NUMB: variants seen among roughly 807,000 people sequenced by gnomAD.
NUMB encodes NUMB endocytic adaptor protein.
In NUMB, 29 loss-of-function variants were observed where a neutral mutation model predicts 59.7. The ratio of observed to expected loss-of-function variants is 0.49; its 90% CI spans 0.36 to 0.66. The LOEUF is 0.66. Ranked by LOEUF, NUMB falls within the 30% of genes least tolerant of loss-of-function variation. The pLI is 0.00. For missense variants in NUMB, 723 were observed against 822.0 expected, an observed-to-expected ratio of 0.88 and a Z score of 1.47; for synonymous variants, 288 against 288.2, an observed-to-expected ratio of 1.00 and a Z score of 0.01.
chr14:73,310,173 G>C (rs753186785), intron 6 of NUMB, among the ~76,000 whole-genome samples: 14 of 152,074 alleles, frequency 9.2e-5, no homozygotes, highest in Non-Finnish European at 1.9e-4. Flanking sequence ...AGAATTAAAG[G>C]CACATAACAA....
intron 6 of NUMB, among the ~76,000 whole-genome samples, chr14:73,305,092 T>C (rs1890352737): frequency 6.6e-6 from 1 of 152,166 alleles, no homozygotes; most frequent in Non-Finnish European, 1.5e-5. Flanking sequence ...ATTGTTGAAA[T>C]TAGGGATTAG....
intron 2 of NUMB, among the ~76,000 whole-genome samples, chr14:73,369,139 T>C (rs1894536326): frequency 6.6e-6 from 1 of 151,934 alleles, no homozygotes; most frequent in South Asian, 2.1e-4. Flanking sequence ...CCTCCTGGGT[T>C]CAAGTGATTC....
chr14:73,355,491 T>C, intron 4 of NUMB, 135 bp downstream of exon 4: 1 of 637,030 alleles, frequency 1.6e-6, no homozygotes, highest in South Asian at 4.2e-5. Flanking sequence ...CTCTTTTAAT[T>C]CTATCATTGA....
intron 2 of NUMB, among the ~76,000 whole-genome samples, chr14:73,402,224 A>G (rs1384362926): frequency 6.6e-6 from 1 of 152,126 alleles, no homozygotes; most frequent in Non-Finnish European, 1.5e-5. Context: ...TTCTGCAGCT[A>G]TTTTTCTTCA....
At chr14:73,343,300 T>C (rs1400007255) in intron 4 of NUMB, among the ~76,000 whole-genome samples, 5 of 152,012 alleles carry the variant, frequency 3.3e-5, no homozygotes, top group African/African-American at 1.2e-4. Flanking sequence ...GCAAGAGTAG[T>C]AGAGTTCTTG....
At chr14:73,382,031 C>T (rs941891630) in intron 2 of NUMB, among the ~76,000 whole-genome samples, 5 of 152,136 alleles carry the variant, frequency 3.3e-5, no homozygotes, top group South Asian at 2.1e-4. Flanking sequence ...AGATTTGTGG[C>T]GCTAAAATCC....
intron 1 of NUMB, among the ~76,000 whole-genome samples, chr14:73,436,404 C>T (rs1363777370): frequency 6.6e-6 from 1 of 152,074 alleles, no homozygotes. Flanking sequence ...GCAACCTCTG[C>T]CCCCTGGGTT....
At chr14:73,314,363 G>A (rs1257515939) in intron 6 of NUMB, among the ~76,000 whole-genome samples, 5 of 152,052 alleles carry the variant, frequency 3.3e-5, no homozygotes, top group Non-Finnish European at 7.4e-5. Context: ...TGTAAAACTG[G>A]AGAATTATTA....
intron 1 of NUMB, among the ~76,000 whole-genome samples, chr14:73,457,008 G>C (rs950781075): frequency 6.6e-6 from 1 of 151,748 alleles, no homozygotes; most frequent in African/African-American, 2.4e-5. Flanking sequence ...CTATGTGCCA[G>C]TCACTATCCT....
intron 1 of NUMB, among the ~76,000 whole-genome samples, chr14:73,411,011 G>A (rs997193294): frequency 6.6e-6 from 1 of 152,124 alleles, no homozygotes; most frequent in African/African-American, 2.4e-5. Flanking sequence ...ATAATATATG[G>A]GAGGAAGAAT....
In NUMB at chr14:73,276,565, C is replaced by G; in HGVS notation, c.*13G>C. ...TGTCTGGTATGGACAAGATACATAG[C>G]CATAATGATTGCTTAAAGTTCAATT... On this transcript the variant is annotated 3_prime_UTR_variant, in exon 13 of 13. Coordinates refer to ENST00000555238, the MANE Select transcript of NUMB (RefSeq NM_001005743.2). 1.9e-6 allele frequency: 3 copies of G among 1,600,432 alleles called. No homozygotes were observed. Among genetic ancestry groups the G allele is most frequent in the Non-Finnish European group, 2.6e-6 (3 of 1,170,026 alleles).
rs184703758 is a variant in NUMB, at chr14:73,443,952, C to T, written c.-233+14541G>A. 2.1e-3 allele frequency among the ~76,000 whole-genome samples: 312 copies of T among 151,408 alleles called. 1 individual carries two copies. The Middle Eastern group carries it at 0.041, about 20-fold the overall frequency. ...GACAAAGTCTCACTCTGTCCCCCCA[C>T]GCAGGAGTGCAGTGGCGCAATCTCG... On this transcript the variant is annotated intron_variant, in intron 1 of 12. Coordinates refer to ENST00000555238, the MANE Select transcript of NUMB (RefSeq NM_001005743.2).
At chr14:73,419,620 C>G (rs1451396285) in intron 1 of NUMB, among the ~76,000 whole-genome samples, 2 of 152,060 alleles carry the variant, frequency 1.3e-5, no homozygotes, top group African/African-American at 4.8e-5. Flanking sequence ...GAAATTTGAG[C>G]CTTAATGAAT....
chr14:73,366,872 T>G (rs2140045122), intron 3 of NUMB, 25 bp downstream of exon 3: 1 of 152,312 alleles, frequency 6.6e-6, no homozygotes, highest in East Asian at 1.9e-4. Context: ...ATGGTTATGA[T>G]TAAGAGTTTT....
At chr14:73,354,309 G>C (rs1035370306) in intron 4 of NUMB, among the ~76,000 whole-genome samples, 1 of 152,044 alleles carries the variant, frequency 6.6e-6, no homozygotes, top group Non-Finnish European at 1.5e-5. Context: ...AGGAGTTCAA[G>C]ACCAGCCTGG....
chr14:73,314,085 TA>T (rs1176818336), intron 6 of NUMB, among the ~76,000 whole-genome samples: 3 of 152,136 alleles, frequency 2.0e-5, no homozygotes, highest in African/African-American at 7.2e-5. Flanking sequence ...AGTAATTGAT[TA>T]GAAATAAAAT....
intron 1 of NUMB, among the ~76,000 whole-genome samples, chr14:73,451,171 A>C (rs547281742): frequency 0.073 from 8,675 of 118,284 alleles, 565 homozygotes; most frequent in East Asian, 0.16. Flanking sequence ...AAAAAAAAAA[A>C]AAACAAAAAA....
chr14:73,366,112 C>T (rs1287780573), intron 3 of NUMB, among the ~76,000 whole-genome samples: 1 of 152,158 alleles, frequency 6.6e-6, no homozygotes, highest in Admixed American at 6.5e-5. Flanking sequence ...ATACAAATTG[C>T]ATTCTGAAGG....
chr14:73,340,081 G>A (rs902070718), intron 4 of NUMB, among the ~76,000 whole-genome samples: 1 of 152,154 alleles, frequency 6.6e-6, no homozygotes, highest in Non-Finnish European at 1.5e-5. Context: ...TTAGGCTCTG[G>A]CCATTTGAGG....
Sources: gnomAD v4.1 joint callset for allele counts (sites outside exome capture counted in the v4.1 genomes callset) on GRCh38, gnomAD v4.1.1 for gene constraint, MANE v1.5 for transcripts, NCBI Gene and HGNC (gene_info 2026-07-23, HGNC 2026-07-21) for gene names.